Variants in TBX18 observed in about 807,000 individuals in gnomAD.
The protein encoded by TBX18 is T-box transcription factor 18.
A neutral mutation model predicts 55.0 loss-of-function variants in TBX18; 21 were observed. The observed-to-expected ratio is 0.38, with a 90% CI of 0.27 to 0.55. The LOEUF is 0.55. Among genes scored for constraint, TBX18 ranks in the 20% least tolerant of loss-of-function variants. The pLI is 0.73. For missense variants in TBX18, 840 were observed against 799.6 expected, an observed-to-expected ratio of 1.05 and a Z score of -0.61; for synonymous variants, 342 against 326.1, an observed-to-expected ratio of 1.05 and a Z score of -0.53.
chr6:84,758,157 C>T (rs1582084304), intron 3 of TBX18, among the ~76,000 whole-genome samples: 1 of 151,922 alleles, frequency 6.6e-6, no homozygotes, highest in East Asian at 1.9e-4. Flanking sequence ...TCTATAATCC[C>T]AACACTTTGG....
intron 6 of TBX18, among the ~76,000 whole-genome samples, chr6:84,739,112 G>A (rs542061851): frequency 1.3e-5 from 2 of 152,168 alleles, no homozygotes; most frequent in South Asian, 2.1e-4. Context: ...TTCTCTCTCA[G>A]GAGCACAATC....
At chr6:84,762,881 G>A in intron 1 of TBX18, 133 bp from the exon 2 acceptor site, 1 of 826,954 alleles carries the variant, frequency 1.2e-6, no homozygotes, top group Non-Finnish European at 1.9e-6. Flanking sequence ...GTGCCATCAG[G>A]TCCTCCTAAA....
chr6:84,736,572 T>G lies in TBX18; in HGVS notation c.*113A>C. The G allele has an allele frequency of 7.8e-7, 1 of 1,275,380 alleles. No homozygotes were observed. Among genetic ancestry groups the G allele is most frequent in the Non-Finnish European group, 1.0e-6 (1 of 959,096 alleles). 79.0% of individuals were successfully genotyped at this position (1,275,380 alleles called of 1,614,324 possible). ...CAAAAAACCCAGTGAGCCTTCATTT[T>G]CTATTATATGTACATTTTATAAACC... On this transcript the variant is annotated 3_prime_UTR_variant, in exon 8 of 8. Coordinates refer to ENST00000369663, the MANE Select transcript of TBX18 (RefSeq NM_001080508.3).
intron 7 of TBX18, among the ~76,000 whole-genome samples, chr6:84,737,653 T>C (rs1281860141): frequency 6.6e-6 from 1 of 152,190 alleles, no homozygotes; most frequent in Non-Finnish European, 1.5e-5. Context: ...AACAGTCCTG[T>C]GAAACTTAGA....
chr6:84,763,687 C>T (rs1328857670), intron 1 of TBX18, among the ~76,000 whole-genome samples: 1 of 152,054 alleles, frequency 6.6e-6, no homozygotes, highest in African/African-American at 2.4e-5. Context: ...GGCGGCCGCC[C>T]GCGAGGCGAG....
intron 5 of TBX18, 98 bp downstream of exon 5, chr6:84,747,822 C>T (rs915805644): frequency 3.1e-5 from 36 of 1,161,400 alleles, no homozygotes; most frequent in Non-Finnish European, 4.0e-5. Flanking sequence ...ATGGCAAATG[C>T]TTTATAATTC....
At chr6:84,747,857 GCTAA>G in intron 5 of TBX18, 59 bp downstream of exon 5, 1 of 1,476,774 alleles carries the variant, frequency 6.8e-7, no homozygotes, top group Non-Finnish European at 9.3e-7. Context: ...GAGAAGGATA[GCTAA>G]CTTTCTCTCT....
In TBX18 at chr6:84,760,152, G is replaced by A. The variant is rs1767608982; in HGVS notation, c.599+103C>T. On this transcript the variant is annotated intron_variant, in intron 3 of 7. Coordinates refer to ENST00000369663, the MANE Select transcript of TBX18 (RefSeq NM_001080508.3). ...AAAGTATGGATCTGGAAATTCTACA[G>A]ACTTCTGGAAGCAAAGATCACAGTC... 10 of 651,970 alleles carry A rather than the reference G, an allele frequency of 1.5e-5. No individual in the cohort carries two copies. The South Asian group carries it at 5.4e-4, about 35-fold the overall frequency. The allele number at this position is 651,970 out of a possible 1,614,324, so 40.4% of individuals were successfully genotyped here. A position where few individuals can be genotyped will look rare whatever the true frequency, so the allele number is the denominator to read the frequency against.
chr6:84,763,895 G>C lies in TBX18; in HGVS notation c.287C>G (p.Ala96Gly). 1 of 1,507,446 alleles carries C rather than the reference G, an allele frequency of 6.6e-7. No homozygotes were observed. The highest frequency in any genetic ancestry group is 8.8e-7 in the Non-Finnish European group (1 of 1,138,258). 93.4% of individuals were successfully genotyped at this position (1,507,446 alleles called of 1,614,324 possible). ...GCAGGAAGGGGCCCACTCACCCGCG[G>C]CTCCGCGCTCCAGGTCTGCGCCACT... ...ARSGADLERG[A>G]AGGCEDGFQQ... The change falls in exon 1 of 8, where the codon GCC (alanine) becomes GGC (glycine). Residue 96 changes from alanine to glycine, a missense_variant. By Grantham distance (60) the Ala-to-Gly change is moderately conservative. Coordinates refer to ENST00000369663, the MANE Select transcript of TBX18 (RefSeq NM_001080508.3).
Position 84,762,864 on chromosome 6 carries a change from A to G in TBX18, c.293-116T>C. On this transcript the variant is annotated intron_variant, in intron 1 of 7. Transcript: ENST00000369663. ...GGAAAATGACCGGGAGAAAAGGGGA[A>G]GCTTTGGTGCCATCAGGTCCTCCTA... The G allele has an allele frequency of 3.1e-6, 3 of 980,096 alleles. No individual in the cohort carries two copies. The South Asian group carries it at 4.4e-5, about 14-fold the overall frequency. The allele number at this position is 980,096 out of a possible 1,614,324, so 60.7% of individuals were successfully genotyped here. A position where few individuals can be genotyped will look rare whatever the true frequency, so the allele number is the denominator to read the frequency against.
intron 4 of TBX18, among the ~76,000 whole-genome samples, chr6:84,750,721 C>T (rs1767324790): frequency 6.6e-6 from 1 of 152,050 alleles, no homozygotes; most frequent in African/African-American, 2.4e-5. Flanking sequence ...CATCACAGGG[C>T]CAGGTCCAAC....
At chr6:84,759,201 A>G (rs1470231439) in intron 3 of TBX18, among the ~76,000 whole-genome samples, 3 of 152,128 alleles carry the variant, frequency 2.0e-5, no homozygotes, top group Non-Finnish European at 4.4e-5. Context: ...TAACTTATAC[A>G]CAAAACAAAT....
rs183482323 is a variant in TBX18 at position 84,757,803 on chromosome 6, A to C, written c.600-934T>G. On this transcript the variant is annotated intron_variant, in intron 3 of 7. Transcript: ENST00000369663. ...TAAAATAAGCTAATTAAAAAACTAGAAACTAGTATAACAATGAAGAAAAAA... is the reference window on the plus strand; with the variant it reads ...TAAAATAAGCTAATTAAAAAACTAGCAACTAGTATAACAATGAAGAAAAAA... Among the ~76,000 whole-genome samples, 205 of 152,052 alleles carry C rather than the reference A, an allele frequency of 1.3e-3. 1 individual carries two copies. Among genetic ancestry groups the C allele is most frequent in the African/African-American group, 4.6e-3 (190 of 41,552 alleles).
At chr6:84,757,676 A>T (rs895042282) in intron 3 of TBX18, among the ~76,000 whole-genome samples, 9 of 152,030 alleles carry the variant, frequency 5.9e-5, no homozygotes, top group African/African-American at 2.2e-4. Context: ...TCTTTACATG[A>T]CAAATATATT....
chr6:84,758,204 G>C (rs889931972), intron 3 of TBX18, among the ~76,000 whole-genome samples: 1 of 151,942 alleles, frequency 6.6e-6, no homozygotes, highest in African/African-American at 2.4e-5. Context: ...TCAGGAGTTC[G>C]AGATCAGGCT....
Position 84,748,054 on chromosome 6 carries a change from G to T in TBX18, c.805C>A (p.Arg269=), listed in dbSNP as rs991318182. ...ILHSMHKYQP[R]VHVIRKDCGD... is the part of the protein sequence containing the mutation. ...CAGTCTTTACGGATGACGTGCACTC[G>T]CGGTTGGTATTTGTGCATAGAATGA... Residue 269 remains arginine (R), a synonymous_variant, in exon 5 of 8, where the codon CGA becomes AGA. Coordinates refer to ENST00000369663, the MANE Select transcript of TBX18 (RefSeq NM_001080508.3). 1 of 1,612,538 alleles carries T rather than the reference G, an allele frequency of 6.2e-7. No individual in the cohort carries two copies. The highest frequency in any genetic ancestry group is 1.7e-5 in the Admixed American group (1 of 59,954).
intron 7 of TBX18, 92 bp from the exon 8 acceptor site, chr6:84,737,501 G>A: frequency 7.2e-7 from 1 of 1,385,766 alleles, no homozygotes; most frequent in Non-Finnish European, 9.5e-7. Flanking sequence ...TTGTTACAAG[G>A]CAAGGGTTGG....
At chr6:84,737,535 G>T in intron 7 of TBX18, 126 bp from the exon 8 acceptor site, 1 of 1,053,094 alleles carries the variant, frequency 9.5e-7, no homozygotes, top group Non-Finnish European at 1.3e-6. Context: ...AGATGAAAAG[G>T]AGATGGTCTC....
chr6:84,756,625 A>G (rs1767495227), intron 4 of TBX18, 73 bp downstream of exon 4: 1 of 1,401,546 alleles, frequency 7.1e-7, no homozygotes, highest in Non-Finnish European at 9.9e-7. Context: ...AGAAGCATTC[A>G]TTTCCTTTAG....
Sources: allele counts gnomAD v4.1 joint callset (sites outside exome capture counted in the v4.1 genomes callset), GRCh38; gene constraint gnomAD v4.1.1; transcripts MANE v1.5; gene names NCBI Gene and HGNC (gene_info 2026-07-23, HGNC 2026-07-21).